Variants in ASTN1 observed in about 807,000 individuals in gnomAD.
The protein encoded by ASTN1 is astrotactin 1, also known as astrotactin-1.
A neutral mutation model predicts 140.7 loss-of-function variants in ASTN1; 41 were observed. The observed-to-expected ratio is 0.29, with a 90% CI of 0.23 to 0.38. ASTN1 has a LOEUF of 0.38. ASTN1 is among the 10% of genes least tolerant of loss of function. The pLI is 1.00. For synonymous variants in ASTN1, 640 were observed against 652.2 expected (o/e 0.98, Z 0.29); for missense variants, 1,479 against 1,678.8 (o/e 0.88, Z 2.08).
intron 1 of ASTN1, among the ~76,000 whole-genome samples, chr1:177,084,252 G>A (rs1039214818): frequency 1.3e-5 from 2 of 152,118 alleles, no homozygotes; most frequent in African/African-American, 2.4e-5. Context: ...AAAGGCAAAT[G>A]GCCACACTGA....
At chr1:176,972,731 A>G (rs1043640293) in intron 8 of ASTN1, among the ~76,000 whole-genome samples, 4 of 152,150 alleles carry the variant, frequency 2.6e-5, no homozygotes, top group African/African-American at 9.7e-5. Flanking sequence ...ATATGACTGT[A>G]CTATTTAATG....
chr1:176,939,805 AGAAGG>A (rs1299164987), intron 14 of ASTN1, among the ~76,000 whole-genome samples: 1 of 143,412 alleles, frequency 7.0e-6, no homozygotes, highest in Non-Finnish European at 1.5e-5. Flanking sequence ...AGAATGAGGA[AGAAGG>A]AAGGAAGGAA....
intron 1 of ASTN1, among the ~76,000 whole-genome samples, chr1:177,079,892 A>G (rs769242569): frequency 2.6e-5 from 4 of 152,132 alleles, no homozygotes; most frequent in Non-Finnish European, 5.9e-5. Flanking sequence ...ATTGCCTCTC[A>G]AAATTCAGAA....
intron 16 of ASTN1, among the ~76,000 whole-genome samples, chr1:176,905,361 TA>T (rs1669940745): frequency 6.6e-6 from 1 of 152,216 alleles, no homozygotes; most frequent in Non-Finnish European, 1.5e-5. Flanking sequence ...GGCTGGCTCA[TA>T]AATATCTTTA....
intron 1 of ASTN1, among the ~76,000 whole-genome samples, chr1:177,067,177 A>G (rs558475418): frequency 6.6e-6 from 1 of 152,248 alleles, no homozygotes; most frequent in African/African-American, 2.4e-5. Flanking sequence ...ATGCACTCCT[A>G]TGAGGGGATA....
At chr1:177,126,479 C>G (rs1029712798) in intron 1 of ASTN1, among the ~76,000 whole-genome samples, 1 of 152,150 alleles carries the variant, frequency 6.6e-6, no homozygotes, top group Non-Finnish European at 1.5e-5. Context: ...GTGGCCACTG[C>G]AGGAGCCAGG....
At chr1:177,079,011 A>G (rs1679057457) in intron 1 of ASTN1, among the ~76,000 whole-genome samples, 1 of 152,224 alleles carries the variant, frequency 6.6e-6, no homozygotes, top group Non-Finnish European at 1.5e-5. Context: ...ATGGACCTCA[A>G]TCTGAAATGG....
chr1:177,031,360 G>A lies in ASTN1; in HGVS notation c.866-408C>T, dbSNP rs147572238. 2.5e-3 allele frequency among the ~76,000 whole-genome samples: 383 copies of A among 152,210 alleles called. 1 individual carries two copies. The highest frequency in any genetic ancestry group is 3.6e-3 in the Non-Finnish European group (247 of 68,012). On this transcript the variant is annotated intron_variant, in intron 3 of 22. Transcript: ENST00000361833. ...CCCCTTCTCTTTCATCACAGTCTGC[G>A]CCATTCTGTATTGTCTGACCTCTTC...
At chr1:176,997,074 C>T (rs72718697) in intron 8 of ASTN1, among the ~76,000 whole-genome samples, 6,873 of 152,276 alleles carry the variant, frequency 0.045, 242 homozygotes, top group Non-Finnish European at 0.068. Flanking sequence ...AAAACCAATT[C>T]CCTGACAGGG....
intron 8 of ASTN1, among the ~76,000 whole-genome samples, chr1:177,010,368 C>T (rs1675230870): frequency 6.6e-6 from 1 of 152,180 alleles, no homozygotes. Flanking sequence ...GACCTGTCCA[C>T]CCTGGGTCCT....
Position 176,876,566 on chromosome 1 carries a change from C to T in ASTN1, c.3434G>A (p.Cys1145Tyr). The change falls in exon 21 of 23, where the codon TGC (cysteine) becomes TAC (tyrosine). Residue 1145 changes from cysteine to tyrosine, a missense_variant. By Grantham distance (194) the Cys-to-Tyr change is radical. Around this residue, in one of 3 missense-constraint regions of ASTN1, gnomAD observed 746 missense variants for 800.9 expected, o/e 0.93. Coordinates refer to ENST00000361833, the MANE Select transcript of ASTN1 (RefSeq NM_004319.3). ...AGCCTTGACATCATCCACCACGGGG[C>T]ATGGGGTCTTCACGATCACGTCGCT... Reference protein sequence around the residue: ...RPSDVIVKTPCPVVDDVKAQE... With the variant: ...RPSDVIVKTPYPVVDDVKAQE... 1 of 1,614,204 alleles carries T rather than the reference C, an allele frequency of 6.2e-7. No individual in the cohort carries two copies. The highest frequency in any genetic ancestry group is 8.5e-7 in the Non-Finnish European group (1 of 1,180,030).
In ASTN1 at chr1:176,863,580, G is replaced by A. The variant is rs1488050293; in HGVS notation, c.*704C>T. ...CTCTCAAAGATCATGTTGTTCAGAG[G>A]AAGGGACAGAGATCTGACAGAGGGA... On this transcript the variant is annotated 3_prime_UTR_variant, in exon 23 of 23. Transcript: ENST00000361833. The A allele has an allele frequency of 9.1e-6, 9 of 985,334 alleles. No homozygotes were observed. The highest frequency in any genetic ancestry group is 1.1e-5 in the Non-Finnish European group (9 of 829,972). 61.0% of individuals were successfully genotyped at this position (985,334 alleles called of 1,614,324 possible).
At chr1:176,864,819 G>T (rs1668077245) in intron 22 of ASTN1, among the ~76,000 whole-genome samples, 1 of 152,176 alleles carries the variant, frequency 6.6e-6, no homozygotes, top group Admixed American at 6.5e-5. Flanking sequence ...AAATCATAGA[G>T]TTGGCAGGTT....
intron 8 of ASTN1, among the ~76,000 whole-genome samples, chr1:177,013,691 C>T (rs1397875693): frequency 6.6e-6 from 1 of 152,158 alleles, no homozygotes; most frequent in Non-Finnish European, 1.5e-5. Context: ...GCTGCAAACA[C>T]ATATCTAATT....
intron 11 of ASTN1, among the ~76,000 whole-genome samples, chr1:176,951,381 TG>T (rs1291188086): frequency 1.3e-5 from 2 of 152,244 alleles, no homozygotes; most frequent in African/African-American, 4.8e-5. Flanking sequence ...GATAGAAACC[TG>T]GAAGACATGG....
chr1:177,023,279 G>T (rs13375529), intron 7 of ASTN1, 125 bp downstream of exon 7: 15 of 1,229,684 alleles, frequency 1.2e-5, no homozygotes, highest in Non-Finnish European at 1.7e-5. Context: ...CAGGCAGTCC[G>T]CATGGTCTAG....
downstream of ASTN1, chr1:176,857,787 A>G (rs768128960): frequency 2.0e-4 from 82 of 403,918 alleles, no homozygotes; most frequent in Non-Finnish European, 3.2e-4. Flanking sequence ...TATGTGCTTT[A>G]CTGTTATTTT....
At chr1:176,876,085 T>C (rs1668545625) in intron 21 of ASTN1, among the ~76,000 whole-genome samples, 1 of 152,236 alleles carries the variant, frequency 6.6e-6, no homozygotes, top group East Asian at 1.9e-4. Flanking sequence ...AAAATTTTGA[T>C]GTATTTTTGC....
intron 7 of ASTN1, among the ~76,000 whole-genome samples, chr1:177,017,536 A>G (rs1357954931): frequency 3.3e-5 from 5 of 152,132 alleles, no homozygotes; most frequent in Non-Finnish European, 7.3e-5. Flanking sequence ...AATTTTAAAG[A>G]CCCCACAAGG....
Sources: gnomAD v4.1 joint callset for allele counts (sites outside exome capture counted in the v4.1 genomes callset) on GRCh38, gnomAD v4.1.1 for gene constraint, gnomAD v4.1.1 regional missense constraint, MANE v1.5 for transcripts, NCBI Gene and HGNC (gene_info 2026-07-23, HGNC 2026-07-21) for gene names.